Variants in GALNT13 observed in about 807,000 individuals in gnomAD.
The protein encoded by GALNT13 is UDP-GalNAc:polypeptide N-acetylgalactosaminyltransferase 13.
In GALNT13, 28 loss-of-function variants were observed where a neutral mutation model predicts 64.2. The ratio of observed to expected loss-of-function variants is 0.44; its 90% CI spans 0.32 to 0.60. The LOEUF is 0.60. Ranked by LOEUF, GALNT13 falls within the 20% of genes least tolerant of loss-of-function variation. The probability of loss-of-function intolerance (pLI) is 0.05; values close to 1 mark genes in which losing one functional copy is unlikely to be tolerated. For synonymous variants in GALNT13, 214 were observed against 224.6 expected, an observed-to-expected ratio of 0.95 and a Z score of 0.42; for missense variants, 577 against 669.8, an observed-to-expected ratio of 0.86 and a Z score of 1.53.
At chr2:154,019,603 C>CACAG (rs1697281583) in intron 3 of GALNT13, among the ~76,000 whole-genome samples, 2 of 6,324 alleles carry the variant, frequency 3.2e-4, no homozygotes, top group Admixed American at 5.2e-3. Context: ...AGTAAGACTC[C>CACAG]ACACACACAC....
chr2:153,552,298 A>T, the GALNT13 span, among the ~76,000 whole-genome samples: 4 of 152,212 alleles, frequency 2.6e-5, no homozygotes, highest in African/African-American at 9.6e-5. Context: ...GAAACAGAGC[A>T]TTAAGGAAGG....
At chr2:154,057,929 C>G (rs575824669) in intron 3 of GALNT13, among the ~76,000 whole-genome samples, 3 of 152,016 alleles carry the variant, frequency 2.0e-5, no homozygotes, top group Non-Finnish European at 4.4e-5. Flanking sequence ...TTAATTTATC[C>G]GTTTATTCAA....
the GALNT13 span, among the ~76,000 whole-genome samples, chr2:153,185,102 C>T: frequency 0.011 from 1,649 of 152,040 alleles, 11 homozygotes; most frequent in Middle Eastern, 0.058. Context: ...GGGCTTTTTT[C>T]GATTGGTAGG....
chr2:153,562,691 G>A, the GALNT13 span, among the ~76,000 whole-genome samples: 1 of 151,924 alleles, frequency 6.6e-6, no homozygotes, highest in African/African-American at 2.4e-5. Context: ...ATTTATAACA[G>A]TAATTGAAAG....
At chr2:154,149,637 C>A (rs1229810956) in intron 4 of GALNT13, among the ~76,000 whole-genome samples, 1 of 152,030 alleles carries the variant, frequency 6.6e-6, no homozygotes, top group African/African-American at 2.4e-5. Context: ...TGAAGAGGTC[C>A]TTCACGTCCC....
At chr2:153,718,424 T>C in the GALNT13 span, among the ~76,000 whole-genome samples, 18 of 152,092 alleles carry the variant, frequency 1.2e-4, no homozygotes, top group Admixed American at 2.6e-4. Flanking sequence ...GTTTTTTTTT[T>C]TTCATGTTTT....
At chr2:154,131,330 T>G (rs970259460) in intron 3 of GALNT13, among the ~76,000 whole-genome samples, 1 of 152,198 alleles carries the variant, frequency 6.6e-6, no homozygotes, top group Non-Finnish European at 1.5e-5. Flanking sequence ...ATTTTTATAG[T>G]AATATAGGAG....
At chr2:153,997,595 C>T (rs1439899585) in intron 3 of GALNT13, among the ~76,000 whole-genome samples, 1 of 152,124 alleles carries the variant, frequency 6.6e-6, no homozygotes, top group Non-Finnish European at 1.5e-5. Context: ...GTATTTTCTA[C>T]ACATATAATT....
chr2:153,378,971 A>G, the GALNT13 span, among the ~76,000 whole-genome samples: 2 of 152,026 alleles, frequency 1.3e-5, no homozygotes, highest in African/African-American at 2.4e-5. Context: ...TGTTGACCAT[A>G]TTCCCTCAAG....
At chr2:153,299,762 A>G in the GALNT13 span, among the ~76,000 whole-genome samples, 1 of 152,196 alleles carries the variant, frequency 6.6e-6, no homozygotes, top group South Asian at 2.1e-4. Context: ...AGGATCTCCA[A>G]CACAGTTGCT....
At chr2:153,350,408 A>C in the GALNT13 span, among the ~76,000 whole-genome samples, 1 of 114,702 alleles carries the variant, frequency 8.7e-6, no homozygotes, top group Non-Finnish European at 1.7e-5. Flanking sequence ...TTTGAGACGG[A>C]GTTGCGTTCT....
intron 3 of GALNT13, among the ~76,000 whole-genome samples, chr2:154,090,795 T>C (rs1323216184): frequency 1.3e-5 from 2 of 152,054 alleles, no homozygotes; most frequent in South Asian, 2.1e-4. Context: ...AATATTTATA[T>C]ATTTGTGTGA....
At chr2:153,925,241 G>A (rs1324150832) in intron 2 of GALNT13, among the ~76,000 whole-genome samples, 1 of 152,096 alleles carries the variant, frequency 6.6e-6, no homozygotes, top group Non-Finnish European at 1.5e-5. Flanking sequence ...ATGGTATAAG[G>A]AAGGGGTCCA....
At chr2:153,467,664 C>A in the GALNT13 span, among the ~76,000 whole-genome samples, 1 of 152,046 alleles carries the variant, frequency 6.6e-6, no homozygotes, top group Non-Finnish European at 1.5e-5. Context: ...AAACTTTGAA[C>A]TAACATCCAT....
the GALNT13 span, among the ~76,000 whole-genome samples, chr2:153,292,206 C>T: frequency 1.3e-5 from 2 of 152,012 alleles, no homozygotes; most frequent in African/African-American, 4.8e-5. Context: ...TGTTTCACCA[C>T]CAAGGTTCTC....
the GALNT13 span, among the ~76,000 whole-genome samples, chr2:153,408,629 G>GTT: frequency 6.6e-6 from 1 of 151,680 alleles, no homozygotes; most frequent in Non-Finnish European, 1.5e-5. Context: ...CACAGTTGGT[G>GTT]TTTTTTGTTG....
the GALNT13 span, among the ~76,000 whole-genome samples, chr2:153,317,407 C>A: frequency 6.6e-6 from 1 of 151,978 alleles, no homozygotes; most frequent in Non-Finnish European, 1.5e-5. Context: ...CCTGCTGACC[C>A]TAAGTGTAAG....
chr2:153,681,707 C>A, the GALNT13 span, among the ~76,000 whole-genome samples: 2 of 151,718 alleles, frequency 1.3e-5, no homozygotes. Flanking sequence ...TTTTCAGAAT[C>A]CTGTTTAAAA....
chr2:154,031,648 T>G (rs146133642), intron 3 of GALNT13, among the ~76,000 whole-genome samples: 80 of 152,042 alleles, frequency 5.3e-4, no homozygotes, highest in Non-Finnish European at 9.9e-4. Flanking sequence ...TTAACAAGGT[T>G]AAACATGAAC....
Sources: gnomAD v4.1 joint callset for allele counts (sites outside exome capture counted in the v4.1 genomes callset) on GRCh38, gnomAD v4.1.1 for gene constraint, MANE v1.5 for transcripts, NCBI Gene and HGNC (gene_info 2026-07-23, HGNC 2026-07-21) for gene names.